The following CDH4 variants were observed in gnomAD, a reference collection of about 807,000 sequenced individuals.
CDH4 encodes the protein cadherin 4, also known as cadherin-4.
In CDH4, 33 loss-of-function variants were observed where a neutral mutation model predicts 86.0. That is an observed-to-expected ratio of 0.38 (90% CI 0.29 to 0.51). The LOEUF (loss-of-function observed/expected upper bound fraction) is 0.51. CDH4 is among the 20% of genes least tolerant of loss of function. The probability of loss-of-function intolerance (pLI) is 0.86; values close to 1 mark genes in which losing one functional copy is unlikely to be tolerated. For missense variants in CDH4, 1,114 were observed against 1,307.4 expected (o/e 0.85, Z 2.28); for synonymous variants, 555 against 549.4 (o/e 1.01, Z -0.14).
At chr20:61,530,533 T>G (rs1473193936) in intron 2 of CDH4, among the ~76,000 whole-genome samples, 1 of 152,102 alleles carries the variant, frequency 6.6e-6, no homozygotes, top group East Asian at 1.9e-4. Context: ...GGAAGTAGCC[T>G]CTTCCCCTGG....
At chr20:61,666,080 C>G (rs926563559) in intron 2 of CDH4, among the ~76,000 whole-genome samples, 2 of 152,184 alleles carry the variant, frequency 1.3e-5, no homozygotes, top group African/African-American at 4.8e-5. Context: ...CCAAATCCCA[C>G]TTGTGTTTTC....
intron 2 of CDH4, among the ~76,000 whole-genome samples, chr20:61,383,680 G>GA (rs2084931617): frequency 9.7e-5 from 2 of 20,718 alleles, no homozygotes; most frequent in African/African-American, 3.5e-4. Context: ...ATATATGAAT[G>GA]TATATGATAT....
Position 61,936,767 on chromosome 20 carries a change from G to A in CDH4, c.2575G>A (p.Ala859Thr), listed in dbSNP as rs1194245936. Residue 859 changes from alanine (A) to threonine (T), a missense_variant, in exon 16 of 16, where the codon GCA becomes ACA. Around this residue, in one of 3 missense-constraint regions of CDH4, gnomAD observed 188 missense variants for 183.8 expected, o/e 1.02. Coordinates refer to ENST00000614565, the MANE Select transcript of CDH4 (RefSeq NM_001794.5). ...GLRAADNDPT[A>T]PPYDSLLVFD... ...CCGCGCTGCTGACAACGACCCCACG[G>A]CACCCCCCTATGACTCCCTGCTGGT... The A allele has an allele frequency of 1.2e-6, 2 of 1,606,976 alleles. No individual in the cohort carries two copies. The highest frequency in any genetic ancestry group is 8.5e-7 in the Non-Finnish European group (1 of 1,177,634).
intron 2 of CDH4, among the ~76,000 whole-genome samples, chr20:61,303,271 T>C (rs2123208106): frequency 6.6e-6 from 1 of 152,320 alleles, no homozygotes; most frequent in East Asian, 1.9e-4. Context: ...GTCACCAGCC[T>C]GGGTCAAGGA....
intron 4 of CDH4, among the ~76,000 whole-genome samples, chr20:61,817,237 A>G (rs1200906138): frequency 6.6e-6 from 1 of 152,242 alleles, no homozygotes; most frequent in Non-Finnish European, 1.5e-5. Context: ...GAGCAAGATC[A>G]GGACCCCAAG....
chr20:61,937,109 C>T lies in CDH4; in HGVS notation c.*166C>T. On this transcript the variant is annotated 3_prime_UTR_variant, in exon 16 of 16. Transcript: ENST00000614565. ...GCTGTCTAGCATGAGCACCCACCCCCACAGCGCCCTGCACCCGGCCGCTGC... is the reference window on the plus strand; with the variant it reads ...GCTGTCTAGCATGAGCACCCACCCCTACAGCGCCCTGCACCCGGCCGCTGC... 2 of 493,248 alleles carry T rather than the reference C, an allele frequency of 4.1e-6. No homozygotes were observed. The highest frequency in any genetic ancestry group is 6.8e-6 in the Non-Finnish European group (2 of 294,734). 30.6% of individuals were successfully genotyped at this position (493,248 alleles called of 1,614,324 possible).
chr20:61,596,375 C>T (rs1229599899), intron 2 of CDH4, among the ~76,000 whole-genome samples: 2 of 152,132 alleles, frequency 1.3e-5, no homozygotes, highest in African/African-American at 4.8e-5. Flanking sequence ...ATTAGGATTG[C>T]ATCATCTGAC....
intron 2 of CDH4, among the ~76,000 whole-genome samples, chr20:61,711,805 G>T (rs1012067899): frequency 6.6e-6 from 1 of 152,178 alleles, no homozygotes; most frequent in Non-Finnish European, 1.5e-5. Flanking sequence ...CAAGATATAG[G>T]GTGGAGGGTG....
intron 2 of CDH4, among the ~76,000 whole-genome samples, chr20:61,271,749 C>T (rs559957444): frequency 6.7e-4 from 102 of 152,336 alleles, no homozygotes; most frequent in African/African-American, 2.2e-3. Context: ...GAAGGTGCCC[C>T]TCACGAGATG....
At chr20:61,603,573 A>G (rs774186321) in intron 2 of CDH4, among the ~76,000 whole-genome samples, 7 of 152,200 alleles carry the variant, frequency 4.6e-5, no homozygotes, top group Non-Finnish European at 7.3e-5. Context: ...AGGGAGCAGA[A>G]GGGCCCATCC....
At chr20:61,874,438 C>A (rs1431117019) in intron 7 of CDH4, among the ~76,000 whole-genome samples, 2 of 152,204 alleles carry the variant, frequency 1.3e-5, no homozygotes, top group Non-Finnish European at 2.9e-5. Flanking sequence ...CTCCCACCTC[C>A]TGCACTGTCC....
chr20:61,761,636 ACAAAGT>A (rs2088633847), intron 3 of CDH4, among the ~76,000 whole-genome samples: 1 of 152,218 alleles, frequency 6.6e-6, no homozygotes, highest in Non-Finnish European at 1.5e-5. Context: ...CTGAGGCTAG[ACAAAGT>A]CAAAGGCCGG....
chr20:61,874,186 G>T (rs1267794649), intron 7 of CDH4, among the ~76,000 whole-genome samples: 3 of 151,902 alleles, frequency 2.0e-5, no homozygotes, highest in African/African-American at 7.3e-5. Context: ...GGGGTCTCGG[G>T]GTCTAGCCGC....
At chr20:61,817,902 G>T (rs191620451) in intron 4 of CDH4, among the ~76,000 whole-genome samples, 1 of 152,358 alleles carries the variant, frequency 6.6e-6, no homozygotes, top group Non-Finnish European at 1.5e-5. Flanking sequence ...CAGGACACAC[G>T]CTGAGCTCAC....
chr20:61,819,348 G>A (rs889576590), intron 4 of CDH4, among the ~76,000 whole-genome samples: 7 of 152,208 alleles, frequency 4.6e-5, no homozygotes, highest in Admixed American at 2.6e-4. Context: ...CATGCTGCTC[G>A]GCTTCCAGAT....
chr20:61,364,143 C>T (rs2084798680), intron 2 of CDH4, among the ~76,000 whole-genome samples: 3 of 152,172 alleles, frequency 2.0e-5, no homozygotes, highest in Non-Finnish European at 2.9e-5. Flanking sequence ...AGCAGATCCC[C>T]GATTCCAGCT....
chr20:61,894,614 A>G (rs979204716), intron 7 of CDH4, among the ~76,000 whole-genome samples: 2 of 151,972 alleles, frequency 1.3e-5, no homozygotes, highest in African/African-American at 4.8e-5. Flanking sequence ...CCTCCCTTCT[A>G]TCTTGGCACC....
intron 3 of CDH4, among the ~76,000 whole-genome samples, chr20:61,759,012 A>C (rs1046603053): frequency 6.6e-6 from 1 of 152,052 alleles, no homozygotes; most frequent in African/African-American, 2.4e-5. Flanking sequence ...CCCACTTGTG[A>C]GTATATGTGT....
At chr20:61,817,897 C>T (rs1196919525) in intron 4 of CDH4, among the ~76,000 whole-genome samples, 2 of 152,254 alleles carry the variant, frequency 1.3e-5, no homozygotes, top group East Asian at 3.8e-4. Flanking sequence ...AGCAGCAGGA[C>T]ACACGCTGAG....
Sources: allele counts gnomAD v4.1 joint callset (sites outside exome capture counted in the v4.1 genomes callset), GRCh38; gene constraint gnomAD v4.1.1; regional missense constraint gnomAD v4.1.1; transcripts MANE v1.5; gene names NCBI Gene and HGNC (gene_info 2026-07-23, HGNC 2026-07-21).